Variants in COL5A2 observed in about 807,000 individuals in gnomAD.
COL5A2 encodes the protein collagen alpha-2(V) chain.
In COL5A2, 23 loss-of-function variants were observed where a neutral mutation model predicts 208.2. The observed-to-expected ratio is 0.11, with a 90% CI of 0.08 to 0.16. The LOEUF (loss-of-function observed/expected upper bound fraction) is 0.16, where lower values mean the gene tolerates loss of function less well. Ranked by LOEUF, COL5A2 falls within the 10% of genes least tolerant of loss-of-function variation. The pLI, the probability that COL5A2 is intolerant of heterozygous loss-of-function variation, is 1.00. For missense variants in COL5A2, 1,590 were observed against 1,956.4 expected, an observed-to-expected ratio of 0.81 and a Z score of 3.53; for synonymous variants, 625 against 628.5, an observed-to-expected ratio of 0.99 and a Z score of 0.08.
the COL5A2 span, among the ~76,000 whole-genome samples, chr2:189,255,628 A>C: frequency 4.6e-5 from 7 of 152,192 alleles, no homozygotes; most frequent in African/African-American, 1.7e-4. Flanking sequence ...CAATTTGATA[A>C]ACATTAATTA....
chr2:189,399,021 T>C, the COL5A2 span, among the ~76,000 whole-genome samples: 4 of 152,332 alleles, frequency 2.6e-5, no homozygotes, highest in Admixed American at 6.5e-5. Context: ...TGTTTTGTTA[T>C]ATACTTTTAA....
upstream of COL5A2, among the ~76,000 whole-genome samples, chr2:189,180,294 A>G (rs1688760243): frequency 6.6e-6 from 1 of 152,150 alleles, no homozygotes; most frequent in African/African-American, 2.4e-5. Context: ...AGATTATTAG[A>G]ATGTTGCCCA....
chr2:189,058,697 T>C, intron 32 of COL5A2, 152 bp downstream of exon 32: 1 of 905,146 alleles, frequency 1.1e-6, no homozygotes, highest in Non-Finnish European at 1.7e-6. Context: ...ATATGCTAGT[T>C]TCATAGCACA....
intron 1 of COL5A2, among the ~76,000 whole-genome samples, chr2:189,214,801 TC>T (rs1366446120): frequency 6.6e-6 from 1 of 152,174 alleles, no homozygotes; most frequent in Non-Finnish European, 1.5e-5. Flanking sequence ...AATTTGAAAT[TC>T]TGCAAAAGGT....
At chr2:189,091,803 G>A (rs189286410) in intron 7 of COL5A2, among the ~76,000 whole-genome samples, 18 of 152,158 alleles carry the variant, frequency 1.2e-4, no homozygotes, top group Non-Finnish European at 2.2e-4. Context: ...CAAAGAAGTC[G>A]GTATTGAAAG....
At chr2:189,062,434 C>A (rs1036735790) in intron 29 of COL5A2, among the ~76,000 whole-genome samples, 1 of 151,980 alleles carries the variant, frequency 6.6e-6, no homozygotes, top group Non-Finnish European at 1.5e-5. Context: ...TCCACCTACC[C>A]TGGCCTCCCT....
At chr2:189,072,706 A>T (rs913538308) in intron 17 of COL5A2, among the ~76,000 whole-genome samples, 1 of 131,182 alleles carries the variant, frequency 7.6e-6, no homozygotes, top group African/African-American at 2.8e-5. Context: ...TGGGAGGTGG[A>T]GGTTGTAGTG....
chr2:189,428,641 A>C, the COL5A2 span, among the ~76,000 whole-genome samples: 1 of 151,706 alleles, frequency 6.6e-6, no homozygotes, highest in Non-Finnish European at 1.5e-5. Flanking sequence ...AAAAGTATGA[A>C]GCACTTCCCC....
the COL5A2 span, among the ~76,000 whole-genome samples, chr2:189,411,565 C>T: frequency 3.9e-5 from 6 of 152,142 alleles, no homozygotes; most frequent in East Asian, 3.9e-4. Flanking sequence ...ATTCAGATGT[C>T]GGTAGACTTT....
the COL5A2 span, among the ~76,000 whole-genome samples, chr2:189,387,349 C>G: frequency 6.6e-6 from 1 of 152,074 alleles, no homozygotes. Context: ...GGGCTGAAAA[C>G]TACCTATTGG....
chr2:189,339,634 C>A, the COL5A2 span, among the ~76,000 whole-genome samples: 1 of 152,194 alleles, frequency 6.6e-6, no homozygotes, highest in African/African-American at 2.4e-5. Flanking sequence ...CCTCAACCAA[C>A]TAAAATTAGG....
chr2:189,369,716 C>A, the COL5A2 span, among the ~76,000 whole-genome samples: 1 of 152,090 alleles, frequency 6.6e-6, no homozygotes, highest in Admixed American at 6.6e-5. Context: ...AAGAAAATTA[C>A]ATAATTCCAA....
chr2:189,335,572 G>A, the COL5A2 span, among the ~76,000 whole-genome samples: 2 of 152,074 alleles, frequency 1.3e-5, no homozygotes, highest in Non-Finnish European at 2.9e-5. Flanking sequence ...CCTATCAATT[G>A]ATGAATGAAT....
rs111674411 is a variant in COL5A2, at chr2:189,100,027, A to T, written c.369+80T>A. 2,297 of 1,209,612 alleles carry T rather than the reference A, an allele frequency of 1.9e-3. 30 individuals carry two copies. In the African/African-American group the frequency reaches 0.026, roughly 13 times the overall value. The allele number at this position is 1,209,612 out of a possible 1,614,324, so 74.9% of individuals were successfully genotyped here. ...AACTAATTTATTTTTGAAAGTATGT[A>T]CATAAGCAATAATATACAATTATAC... is the stretch of plus-strand genomic sequence containing the variant. On this transcript the variant is annotated intron_variant, in intron 4 of 53. Transcript: ENST00000374866.
chr2:189,084,965 C>T (rs929743544), intron 11 of COL5A2, among the ~76,000 whole-genome samples, 195 bp downstream of exon 11: 4 of 152,144 alleles, frequency 2.6e-5, no homozygotes, highest in Admixed American at 1.3e-4. Flanking sequence ...TACCTAATAA[C>T]ATAATACTAC....
At chr2:189,283,862 C>T in the COL5A2 span, among the ~76,000 whole-genome samples, 2 of 152,104 alleles carry the variant, frequency 1.3e-5, no homozygotes, top group Non-Finnish European at 2.9e-5. Flanking sequence ...CTAAAATTCA[C>T]TCTACCAACT....
chr2:189,270,185 C>A, the COL5A2 span, among the ~76,000 whole-genome samples: 6 of 152,100 alleles, frequency 3.9e-5, no homozygotes, highest in Admixed American at 1.3e-4. Flanking sequence ...AAAAAACCAG[C>A]TCCTGGATTC....
chr2:189,228,334 G>A (rs745991354), upstream of COL5A2, among the ~76,000 whole-genome samples: 3 of 151,420 alleles, frequency 2.0e-5, no homozygotes, highest in Non-Finnish European at 3.0e-5. Flanking sequence ...ATGAAATTGA[G>A]AATAGAAAAA....
chr2:189,260,176 G>A, the COL5A2 span, among the ~76,000 whole-genome samples: 1 of 152,178 alleles, frequency 6.6e-6, no homozygotes, highest in African/African-American at 2.4e-5. Context: ...AAGCTATGAA[G>A]TCTTTCAGAA....
Sources: allele counts gnomAD v4.1 joint callset (sites outside exome capture counted in the v4.1 genomes callset), GRCh38; gene constraint gnomAD v4.1.1; transcripts MANE v1.5; gene names NCBI Gene and HGNC (gene_info 2026-07-23, HGNC 2026-07-21).